DLGAP3: variants seen among roughly 807,000 people sequenced by gnomAD.
The protein encoded by DLGAP3 is disks large-associated protein 3.
Under a neutral mutation model 81.2 loss-of-function variants are expected in DLGAP3, and 17 were observed. That is an observed-to-expected ratio of 0.21 (90% CI 0.14 to 0.31). The LOEUF (loss-of-function observed/expected upper bound fraction) is 0.31, where lower values mean the gene tolerates loss of function less well. Ranked by LOEUF, DLGAP3 falls within the 10% of genes least tolerant of loss-of-function variation. DLGAP3 has a pLI of 1.00. For missense variants in DLGAP3, 1,124 were observed against 1,388.0 expected (o/e 0.81, Z 3.02); for synonymous variants, 577 against 587.4 (o/e 0.98, Z 0.26).
chr1:34,916,164 G>A (rs1296073103), intron 1 of DLGAP3, among the ~76,000 whole-genome samples: 2 of 152,132 alleles, frequency 1.3e-5, no homozygotes, highest in Non-Finnish European at 2.9e-5. Flanking sequence ...GAGAAACAGG[G>A]GAGAAAAGGA....
At chr1:34,926,768 T>C (rs1403723437) in intron 1 of DLGAP3, among the ~76,000 whole-genome samples, 3 of 152,138 alleles carry the variant, frequency 2.0e-5, no homozygotes, top group Non-Finnish European at 2.9e-5. Context: ...CCTTTATCAT[T>C]TGTCCTAGAC....
intron 1 of DLGAP3, among the ~76,000 whole-genome samples, chr1:34,928,629 T>C (rs1639909162): frequency 6.6e-6 from 1 of 151,942 alleles, no homozygotes; most frequent in Admixed American, 6.6e-5. Flanking sequence ...CCACCAGGAA[T>C]GGGGGGACAG....
chr1:34,897,711 G>A (rs1340370970), intron 5 of DLGAP3, among the ~76,000 whole-genome samples: 2 of 152,204 alleles, frequency 1.3e-5, no homozygotes. Flanking sequence ...AGTGGAGCAA[G>A]AGCAAATACA....
At chr1:34,894,466 C>CA (rs1198920047) in intron 5 of DLGAP3, among the ~76,000 whole-genome samples, 2 of 152,056 alleles carry the variant, frequency 1.3e-5, no homozygotes, top group Non-Finnish European at 2.9e-5. Flanking sequence ...AACTGCAGAA[C>CA]AATAAAATCA....
In DLGAP3 at chr1:34,885,466, C is replaced by G; in HGVS notation, c.1914+12G>C. 1 of 1,605,356 alleles carries G rather than the reference C, an allele frequency of 6.2e-7. No homozygotes were observed. The highest frequency in any genetic ancestry group is 8.5e-7 in the Non-Finnish European group (1 of 1,179,648). Reference sequence around the variant, plus strand: ...GGGTCAGAGCCCTCGTGGGCGCCTCCCCGTTCCATACCTGCACCCCAATGG... The same window carrying G: ...GGGTCAGAGCCCTCGTGGGCGCCTCGCCGTTCCATACCTGCACCCCAATGG... On this transcript the variant is annotated intron_variant, in intron 7 of 11. Transcript: ENST00000373347.
chr1:34,896,499 G>C (rs546320031), intron 5 of DLGAP3, among the ~76,000 whole-genome samples: 1 of 152,112 alleles, frequency 6.6e-6, no homozygotes, highest in South Asian at 2.1e-4. Flanking sequence ...TGAGGCAGGA[G>C]AATCGCTTGA....
chr1:34,905,224 G>A lies in DLGAP3; in HGVS notation c.160C>T (p.Leu54=), dbSNP rs369499531. 19 of 1,596,320 alleles carry A rather than the reference G, an allele frequency of 1.2e-5. No individual in the cohort carries two copies. Among genetic ancestry groups the A allele is most frequent in the African/African-American group, 2.7e-5 (2 of 74,702 alleles). The change falls in exon 3 of 12, where the codon CTG becomes TTG. Residue 54 remains leucine (L), a synonymous_variant. Coordinates refer to ENST00000373347, the MANE Select transcript of DLGAP3 (RefSeq NM_001080418.3). ...GGCCCTTCAGGAGAAATGTGTCCCA[G>A]GCCAGCTCTCGGGGCACAGAAGCGG... ...EPRFCAPRAG[L]GHISPEGPLS...
intron 1 of DLGAP3, among the ~76,000 whole-genome samples, chr1:34,921,443 C>A (rs1263371424): frequency 1.3e-5 from 2 of 152,178 alleles, no homozygotes; most frequent in Non-Finnish European, 1.5e-5. Context: ...TTTACCAAAC[C>A]TTTCCCTTCC....
chr1:34,865,877 C>A lies in DLGAP3; in HGVS notation c.*206G>T. Reference sequence around the variant, plus strand: ...AGGTGAGGGGCGCAGGGCGGAGAGGCACGGCCCCCTGCCCAGCCCGGGCGC... The same window carrying A: ...AGGTGAGGGGCGCAGGGCGGAGAGGAACGGCCCCCTGCCCAGCCCGGGCGC... On this transcript the variant is annotated 3_prime_UTR_variant, in exon 12 of 12. Transcript: ENST00000373347. 4.5e-6 allele frequency: 3 copies of A among 668,938 alleles called. No homozygotes were observed. The highest frequency in any genetic ancestry group is 8.1e-6 in the Non-Finnish European group (3 of 371,966). The allele number at this position is 668,938 out of a possible 1,614,324, so 41.4% of individuals were successfully genotyped here.
chr1:34,868,930 G>A lies in DLGAP3; in HGVS notation c.2160C>T (p.Pro720=), dbSNP rs766034075. ...GGAAGACTGAGTAGGTGGGGGCCCGGGGCCCAGGCTGGGGCTCAGAGGCGT... is the reference window on the plus strand; with the variant it reads ...GGAAGACTGAGTAGGTGGGGGCCCGAGGCCCAGGCTGGGGCTCAGAGGCGT... The part of the protein sequence containing the change: ...QRHASEPQPG[P]RAPTYSVFRT... Residue 720 remains proline (P), a synonymous_variant, in exon 9 of 12, where the codon CCC becomes CCT. Transcript: ENST00000373347. The surrounding 1 kb of genome is among the most constrained non-coding windows in gnomAD (Gnocchi z 7.5). The A allele has an allele frequency of 6.2e-7, 1 of 1,609,402 alleles. No homozygotes were observed. Among genetic ancestry groups the A allele is most frequent in the Non-Finnish European group, 8.5e-7 (1 of 1,179,844 alleles).
intron 1 of DLGAP3, among the ~76,000 whole-genome samples, chr1:34,928,430 C>A (rs576355430): frequency 7.1e-6 from 1 of 141,080 alleles, no homozygotes; most frequent in East Asian, 1.9e-4. Flanking sequence ...CCCTCCCACC[C>A]ACCAGGGGCC....
chr1:34,928,640 TG>T (rs918324191), intron 1 of DLGAP3, among the ~76,000 whole-genome samples: 2 of 151,512 alleles, frequency 1.3e-5, no homozygotes, highest in East Asian at 2.0e-4. Context: ...GGGGGGACAG[TG>T]GGGGGGACAG....
At chr1:34,874,241 T>A (rs1199220346) in intron 8 of DLGAP3, among the ~76,000 whole-genome samples, 1 of 152,144 alleles carries the variant, frequency 6.6e-6, no homozygotes, top group African/African-American at 2.4e-5. Flanking sequence ...CTGTGGGGCA[T>A]CTACCAGACC....
At chr1:34,885,239 C>T (rs536834022) in intron 7 of DLGAP3, among the ~76,000 whole-genome samples, 176 bp from the exon 8 acceptor site, 117 of 152,360 alleles carry the variant, frequency 7.7e-4, no homozygotes, top group African/African-American at 2.6e-3. Flanking sequence ...GTGGCAACCA[C>T]TGGGCACAGC....
intron 8 of DLGAP3, among the ~76,000 whole-genome samples, chr1:34,869,767 C>T (rs547842835): frequency 1.2e-4 from 18 of 152,300 alleles, no homozygotes; most frequent in Admixed American, 7.2e-4. Context: ...TGAGCCACCA[C>T]GCCTGGCCGA....
At position 34,869,018 on chromosome 1, in the gene DLGAP3, G is replaced by A; in HGVS notation, c.2072C>T (p.Ala691Val). 6.2e-7 allele frequency: 1 copy of A among 1,603,670 alleles called. No homozygotes were observed. Among genetic ancestry groups the A allele is most frequent in the South Asian group, 1.1e-5 (1 of 90,770 alleles). ...TTCTGTGGCCACCGTGGCCAGGCCTGCCAGGCCCTCCAGCTCCAGGTCTGC... is the reference window on the plus strand; with the variant it reads ...TTCTGTGGCCACCGTGGCCAGGCCTACCAGGCCCTCCAGCTCCAGGTCTGC... ...VQADLELEGL[A>V]GLATVATEDK... The change falls in exon 9 of 12, where the codon GCA becomes GTA. Residue 691 changes from alanine to valine, a missense_variant. Transcript: ENST00000373347.
chr1:34,896,072 CA>C (rs1021770670), intron 5 of DLGAP3, among the ~76,000 whole-genome samples: 2 of 151,740 alleles, frequency 1.3e-5, no homozygotes, highest in Non-Finnish European at 2.9e-5. Flanking sequence ...AATTTTACAC[CA>C]AAGCACAATC....
chr1:34,921,948 T>A (rs1468980702), intron 1 of DLGAP3, among the ~76,000 whole-genome samples: 1 of 152,216 alleles, frequency 6.6e-6, no homozygotes, highest in African/African-American at 2.4e-5. Context: ...CACAGACAAG[T>A]AATATGCACA....
intron 3 of DLGAP3, among the ~76,000 whole-genome samples, chr1:34,903,231 G>A (rs930925724): frequency 6.6e-6 from 1 of 152,154 alleles, no homozygotes; most frequent in Non-Finnish European, 1.5e-5. Context: ...ACCCAGGTCA[G>A]TGAGGTGTCT....
Sources: gnomAD v4.1 joint callset for allele counts (sites outside exome capture counted in the v4.1 genomes callset) on GRCh38, gnomAD v4.1.1 for gene constraint, Gnocchi (gnomAD v3.1) non-coding constraint, MANE v1.5 for transcripts, NCBI Gene and HGNC (gene_info 2026-07-23, HGNC 2026-07-21) for gene names.